ARMC8: variants seen among roughly 807,000 people sequenced by gnomAD.
ARMC8 encodes armadillo repeat containing 8, also known as armadillo repeat-containing protein 8.
ARMC8 carries 20 observed loss-of-function variants against 99.3 expected under a neutral mutation model. The observed-to-expected ratio is 0.20, with a 90% CI of 0.14 to 0.29. ARMC8 has a LOEUF of 0.29. ARMC8 is among the 10% of genes least tolerant of loss of function. ARMC8 has a pLI of 1.00. For synonymous variants in ARMC8, 263 were observed against 278.3 expected, an observed-to-expected ratio of 0.95 and a Z score of 0.55; for missense variants, 569 against 809.5, an observed-to-expected ratio of 0.70 and a Z score of 3.60.
intron 11 of ARMC8, 79 bp from the exon 12 acceptor site, chr3:138,245,009 T>C: frequency 1.3e-6 from 2 of 1,521,964 alleles, no homozygotes; most frequent in Non-Finnish European, 1.8e-6. Context: ...TGTAAACTTT[T>C]TTTTTCTTCA....
intron 1 of ARMC8, among the ~76,000 whole-genome samples, chr3:138,202,767 A>G (rs990939494): frequency 3.3e-5 from 5 of 152,214 alleles, no homozygotes; most frequent in Non-Finnish European, 7.3e-5. Context: ...AGAACACTAT[A>G]TTTTGATAAA....
intron 1 of ARMC8, chr3:138,188,271 G>C: frequency 1.3e-6 from 1 of 776,828 alleles, no homozygotes; most frequent in Admixed American, 3.1e-5. Context: ...CTGGTATTCC[G>C]TTTTTCTTTA....
At chr3:138,188,621 T>TA in intron 1 of ARMC8, 4 of 1,497,406 alleles carry the variant, frequency 2.7e-6, no homozygotes, top group Middle Eastern at 1.7e-4. Flanking sequence ...GCCAGTCTGA[T>TA]ACTGAGAGGG....
intron 18 of ARMC8, among the ~76,000 whole-genome samples, chr3:138,280,367 G>T (rs1317647111): frequency 6.6e-6 from 1 of 151,874 alleles, no homozygotes. Context: ...GCCCAGGCTG[G>T]AGTGCAGTGG....
At chr3:138,199,304 A>G (rs2043918367) in intron 1 of ARMC8, among the ~76,000 whole-genome samples, 1 of 152,208 alleles carries the variant, frequency 6.6e-6, no homozygotes, top group Non-Finnish European at 1.5e-5. Flanking sequence ...AGCAAAACAA[A>G]ATAAAACCAA....
At position 138,187,694 on chromosome 3, in the gene ARMC8, C is replaced by A. The variant is rs535821349; in HGVS notation, c.45+95C>A. On this transcript the variant is annotated intron_variant, in intron 1 of 21. Transcript: ENST00000469044. ...AGCGTGGTGTGCCTCCTGGGCACCA[C>A]CCCCTGGGGTGGACCCCGGCTCAGT... 3.8e-4 allele frequency: 521 copies of A among 1,360,950 alleles called. 1 individual carries two copies. Among genetic ancestry groups the A allele is most frequent in the Non-Finnish European group, 4.5e-4 (444 of 990,382 alleles). The allele number at this position is 1,360,950 out of a possible 1,614,324, so 84.3% of individuals were successfully genotyped here.
At chr3:138,206,037 A>G (rs528396666) in intron 1 of ARMC8, among the ~76,000 whole-genome samples, 3 of 152,248 alleles carry the variant, frequency 2.0e-5, no homozygotes, top group African/African-American at 7.2e-5. Context: ...AAAGCAAAAT[A>G]TTATTTCAAT....
Position 138,295,781 on chromosome 3 carries a change from T to C in ARMC8, c.1989-78T>C, listed in dbSNP as rs1030944240. 8 of 1,519,650 alleles carry C rather than the reference T, an allele frequency of 5.3e-6. No homozygotes were observed. The African/African-American group carries it at 8.2e-5, about 16-fold the overall frequency. 94.1% of individuals were successfully genotyped at this position (1,519,650 alleles called of 1,614,324 possible). A position where few individuals can be genotyped will look rare whatever the true frequency, so the allele number is the denominator to read the frequency against. ...ATTTACTTTTTTAGACTTCCCCAGC[T>C]ATCATCATTGAACCATAGGGTTTTT... On this transcript the variant is annotated intron_variant, in intron 21 of 21. Transcript: ENST00000469044.
chr3:138,199,415 T>G (rs1450484747), intron 1 of ARMC8, among the ~76,000 whole-genome samples: 1 of 152,200 alleles, frequency 6.6e-6, no homozygotes, highest in Non-Finnish European at 1.5e-5. Flanking sequence ...AATTTTGGAA[T>G]ACCTAAGAAG....
At chr3:138,256,399 C>CTTT (rs2047403861) in intron 12 of ARMC8, among the ~76,000 whole-genome samples, 1 of 140,808 alleles carries the variant, frequency 7.1e-6, no homozygotes, top group African/African-American at 2.8e-5. Flanking sequence ...TTTTTTCCTC[C>CTTT]TTCTTTTTTT....
intron 1 of ARMC8, among the ~76,000 whole-genome samples, chr3:138,200,433 A>G (rs74853933): frequency 0.064 from 9,757 of 152,280 alleles, 1,024 homozygotes; most frequent in African/African-American, 0.22. Flanking sequence ...TCGATTGTAC[A>G]TTAAAATGGT....
chr3:138,243,064 A>G (rs955167852), intron 11 of ARMC8, among the ~76,000 whole-genome samples: 1 of 152,200 alleles, frequency 6.6e-6, no homozygotes. Flanking sequence ...TATCTTACCA[A>G]TACAAAGATA....
At chr3:138,259,984 C>T (rs2047609490) in intron 12 of ARMC8, among the ~76,000 whole-genome samples, 1 of 152,226 alleles carries the variant, frequency 6.6e-6, no homozygotes, top group African/African-American at 2.4e-5. Flanking sequence ...ACCATGAAAT[C>T]AAGCACCATA....
rs572495800 is a variant in ARMC8, at chr3:138,192,349, C to T, written c.45+4750C>T. ...CAGGAGTGCAGTGGTGTGATCTCAG[C>T]TCACTGCAAGCTCCGCCTCCTGGGT... On this transcript the variant is annotated intron_variant, in intron 1 of 21. Transcript: ENST00000469044. 4.1e-5 allele frequency among the ~76,000 whole-genome samples: 6 copies of T among 147,710 alleles called. No individual in the cohort carries two copies. In the East Asian group the frequency reaches 1.2e-3, roughly 29 times the overall value.
chr3:138,288,716 C>T (rs1426575152), intron 19 of ARMC8, among the ~76,000 whole-genome samples: 2 of 149,950 alleles, frequency 1.3e-5, no homozygotes, highest in Non-Finnish European at 1.5e-5. Context: ...CAGCTCACTG[C>T]AACCTCTGCC....
Position 138,289,144 on chromosome 3 carries a change from T to C in ARMC8, c.1894+24T>C, listed in dbSNP as rs756470548. 1.0e-5 allele frequency: 16 copies of C among 1,582,598 alleles called. No individual in the cohort carries two copies. In the Admixed American group the frequency reaches 2.6e-4, roughly 25 times the overall value. ...AGGTAAGAGATTGGTGAGATTTGTT[T>C]TGAAAAAAATTATGGGAAGAGTGTC... On this transcript the variant is annotated intron_variant, in intron 20 of 21. Coordinates refer to ENST00000469044, the MANE Select transcript of ARMC8 (RefSeq NM_001363941.2).
Position 138,223,444 on chromosome 3 carries a change from G to A in ARMC8, c.250G>A (p.Ala84Thr). 6.2e-7 allele frequency: 1 copy of A among 1,614,176 alleles called. No homozygotes were observed. The highest frequency in any genetic ancestry group is 8.5e-7 in the Non-Finnish European group (1 of 1,180,026). The change falls in exon 4 of 22, where the codon GCA becomes ACA. Residue 84 changes from alanine to threonine, a missense_variant. Coordinates refer to ENST00000469044, the MANE Select transcript of ARMC8 (RefSeq NM_001363941.2). The stretch of plus-strand genomic sequence containing the variant: ...AAGCACAGAGCTGAAAACTGAATGT[G>A]CAGTGGTGTTGGGAAGTCTTGCTAT... ...TSSTELKTEC[A>T]VVLGSLAMGT...
intron 19 of ARMC8, among the ~76,000 whole-genome samples, chr3:138,285,036 C>A (rs897607798): frequency 6.6e-6 from 1 of 152,238 alleles, no homozygotes; most frequent in African/African-American, 2.4e-5. Flanking sequence ...CATCTCCTGA[C>A]AAAATTCTAA....
chr3:138,277,405 T>A (rs2049401199), intron 18 of ARMC8, among the ~76,000 whole-genome samples: 1 of 152,228 alleles, frequency 6.6e-6, no homozygotes, highest in Admixed American at 6.5e-5. Flanking sequence ...AAATTGGTCT[T>A]CATCAAACTG....
Sources: allele counts gnomAD v4.1 joint callset (sites outside exome capture counted in the v4.1 genomes callset), GRCh38; gene constraint gnomAD v4.1.1; transcripts MANE v1.5; gene names NCBI Gene and HGNC (gene_info 2026-07-23, HGNC 2026-07-21).